DNM3: variants seen among roughly 807,000 people sequenced by gnomAD.
DNM3 encodes the protein dynamin-3.
Under a neutral mutation model 101.6 loss-of-function variants are expected in DNM3, and 47 were observed. The ratio of observed to expected loss-of-function variants is 0.46; its 90% CI spans 0.37 to 0.59. DNM3 has a LOEUF of 0.59. Ranked by LOEUF, DNM3 falls within the 20% of genes least tolerant of loss-of-function variation. The pLI, the probability that DNM3 is intolerant of heterozygous loss-of-function variation, is 0.00. For missense variants in DNM3, 849 were observed against 1,085.7 expected (o/e 0.78, Z 3.06); for synonymous variants, 385 against 387.9 (o/e 0.99, Z 0.09).
At chr1:172,234,994 A>T (rs1293327471) in intron 14 of DNM3, among the ~76,000 whole-genome samples, 1 of 152,214 alleles carries the variant, frequency 6.6e-6, no homozygotes, top group Non-Finnish European at 1.5e-5. Flanking sequence ...GCCAAAACTG[A>T]CAAATGGGAT....
chr1:171,912,087 A>C (rs532117737), intron 1 of DNM3, among the ~76,000 whole-genome samples: 3 of 152,164 alleles, frequency 2.0e-5, no homozygotes, highest in Non-Finnish European at 2.9e-5. Flanking sequence ...TCCTTTCCAC[A>C]TGCATTTCTT....
chr1:172,234,991 C>T (rs1368864606), intron 14 of DNM3, among the ~76,000 whole-genome samples: 4 of 151,948 alleles, frequency 2.6e-5, no homozygotes, highest in African/African-American at 7.3e-5. Flanking sequence ...AAAGCCAAAA[C>T]TGACAAATGG....
intron 18 of DNM3, among the ~76,000 whole-genome samples, chr1:172,381,456 G>A (rs1165276706): frequency 6.6e-6 from 1 of 150,880 alleles, no homozygotes; most frequent in African/African-American, 2.4e-5. Context: ...TATTTTATGT[G>A]CTTTTTAAAC....
chr1:172,212,823 T>G (rs529362294), intron 14 of DNM3, among the ~76,000 whole-genome samples: 4 of 152,274 alleles, frequency 2.6e-5, no homozygotes, highest in Middle Eastern at 3.4e-3. Flanking sequence ...GCTCCCATAG[T>G]AGGACCAGTA....
At chr1:172,185,915 A>C (rs890146580) in intron 14 of DNM3, among the ~76,000 whole-genome samples, 2 of 152,088 alleles carry the variant, frequency 1.3e-5, no homozygotes, top group South Asian at 2.1e-4. Flanking sequence ...CCTCAAATAA[A>C]AATTGTTTTT....
intron 17 of DNM3, among the ~76,000 whole-genome samples, chr1:172,369,396 CAGAT>C (rs2068203394): frequency 6.6e-6 from 1 of 151,844 alleles, no homozygotes; most frequent in East Asian, 1.9e-4. Flanking sequence ...TCAATAGATA[CAGAT>C]AAAAATTTTT....
At chr1:172,301,457 G>A (rs1045639656) in intron 15 of DNM3, among the ~76,000 whole-genome samples, 1 of 152,164 alleles carries the variant, frequency 6.6e-6, no homozygotes, top group Non-Finnish European at 1.5e-5. Context: ...AGCTATGACT[G>A]TGCCACTGCA....
At chr1:171,987,102 T>A (rs2045318850) in intron 2 of DNM3, among the ~76,000 whole-genome samples, 1 of 152,206 alleles carries the variant, frequency 6.6e-6, no homozygotes, top group African/African-American at 2.4e-5. Flanking sequence ...ATAACTTTTT[T>A]CCTTGAGAAA....
At chr1:172,031,039 A>G (rs1044960830) in intron 4 of DNM3, among the ~76,000 whole-genome samples, 18 of 152,204 alleles carry the variant, frequency 1.2e-4, no homozygotes, top group African/African-American at 4.1e-4. Context: ...TGATCTAGCA[A>G]TTCCATTACT....
chr1:172,257,901 CACACAG>C (rs1266035336), intron 15 of DNM3, among the ~76,000 whole-genome samples: 111 of 150,338 alleles, frequency 7.4e-4, no homozygotes, highest in African/African-American at 2.4e-3. Context: ...CACACACACA[CACACAG>C]ACAAACAGAC....
chr1:172,361,040 G>C (rs1193097953), intron 17 of DNM3, among the ~76,000 whole-genome samples: 2 of 152,016 alleles, frequency 1.3e-5, no homozygotes, highest in Non-Finnish European at 1.5e-5. Flanking sequence ...ACAGAAGTCA[G>C]AGAACAGCTT....
At chr1:172,047,174 G>A (rs2049879006) in intron 9 of DNM3, among the ~76,000 whole-genome samples, 3 of 152,096 alleles carry the variant, frequency 2.0e-5, no homozygotes, top group Admixed American at 2.0e-4. Flanking sequence ...CTTTGCCCAT[G>A]AAGGACTTGA....
rs765444702 is a variant in DNM3, at chr1:171,841,718, C to T, written c.62C>T (p.Ser21Leu). The T allele has an allele frequency of 2.0e-5, 33 of 1,611,264 alleles. No homozygotes were observed. Among genetic ancestry groups the T allele is most frequent in the Non-Finnish European group, 2.7e-5 (32 of 1,179,280 alleles). The part of the protein sequence containing the change: ...PLVNRLQDAF[S>L]ALGQSCLLEL... ...GTGAACCGTCTGCAGGACGCGTTTTCGGCGCTGGGACAGAGCTGCCTGCTG... is the reference window on the plus strand; with the variant it reads ...GTGAACCGTCTGCAGGACGCGTTTTTGGCGCTGGGACAGAGCTGCCTGCTG... Residue 21 changes from serine to leucine, a missense_variant, in exon 1 of 21, where the codon TCG becomes TTG. Coordinates refer to ENST00000627582, the MANE Select transcript of DNM3 (RefSeq NM_015569.5).
Position 171,961,569 on chromosome 1 carries a change from C to T in DNM3, c.236-26087C>T, listed in dbSNP as rs2043211599. ...CTCAAAAAGTTAAACATACAATTAACTATAATATAATACAGCAATTCTACT... is the reference window on the plus strand; with the variant it reads ...CTCAAAAAGTTAAACATACAATTAATTATAATATAATACAGCAATTCTACT... On this transcript the variant is annotated intron_variant, in intron 2 of 20. Coordinates refer to ENST00000627582, the MANE Select transcript of DNM3 (RefSeq NM_015569.5). 1.3e-5 allele frequency among the ~76,000 whole-genome samples: 2 copies of T among 152,120 alleles called. 1 individual carries two copies. The highest frequency in any genetic ancestry group is 2.9e-5 in the Non-Finnish European group (2 of 68,026).
At chr1:172,161,216 A>G (rs2058534569) in intron 14 of DNM3, among the ~76,000 whole-genome samples, 1 of 149,506 alleles carries the variant, frequency 6.7e-6, no homozygotes, top group South Asian at 2.1e-4. Context: ...TTTTATAATA[A>G]TATATATGAT....
At chr1:172,106,159 G>A (rs548587700) in intron 13 of DNM3, among the ~76,000 whole-genome samples, 196 of 152,018 alleles carry the variant, frequency 1.3e-3, no homozygotes, top group Admixed American at 3.7e-3. Context: ...ATAAATATGG[G>A]CCTGTAATCC....
intron 2 of DNM3, among the ~76,000 whole-genome samples, chr1:171,964,554 A>G (rs1237666850): frequency 6.6e-6 from 1 of 152,224 alleles, no homozygotes; most frequent in African/African-American, 2.4e-5. Context: ...GCTGCAGCCC[A>G]ACCACCTTGG....
intron 10 of DNM3, among the ~76,000 whole-genome samples, chr1:172,051,701 C>T (rs1357883487): frequency 6.6e-6 from 1 of 152,178 alleles, no homozygotes; most frequent in Non-Finnish European, 1.5e-5. Flanking sequence ...GAAAATGTGT[C>T]TGGGCCTTGC....
chr1:172,247,079 A>G (rs1203402547), intron 14 of DNM3, among the ~76,000 whole-genome samples: 2 of 152,044 alleles, frequency 1.3e-5, no homozygotes, highest in Non-Finnish European at 2.9e-5. Flanking sequence ...TAACTTGGAC[A>G]TATCTATGCA....
Sources: allele counts gnomAD v4.1 joint callset (sites outside exome capture counted in the v4.1 genomes callset), GRCh38; gene constraint gnomAD v4.1.1; transcripts MANE v1.5; gene names NCBI Gene and HGNC (gene_info 2026-07-23, HGNC 2026-07-21).